C16orf96: variants seen among roughly 807,000 people sequenced by gnomAD.
C16orf96 encodes the protein uncharacterized protein C16orf96.
C16orf96 carries 108 observed loss-of-function variants against 103.6 expected under a neutral mutation model. The observed-to-expected ratio is 1.04, with a 90% CI of 0.89 to 1.22. C16orf96 has a LOEUF of 1.22. C16orf96 is among the 50% of genes most tolerant of loss of function. The pLI is 0.00. For missense variants in C16orf96, 1,586 were observed against 1,464.2 expected, an observed-to-expected ratio of 1.08 and a Z score of -1.36; for synonymous variants, 566 against 593.5, an observed-to-expected ratio of 0.95 and a Z score of 0.67.
chr16:4,576,662 G>T (rs1172594099), intron 5 of C16orf96, 27 bp downstream of exon 5: 12 of 1,528,604 alleles, frequency 7.9e-6, no homozygotes, highest in South Asian at 2.5e-5. Context: ...CCTGGGAAGG[G>T]CACAAGGGAG....
At chr16:4,563,794 C>G (rs1481727770) in intron 1 of C16orf96, among the ~76,000 whole-genome samples, 1 of 147,466 alleles carries the variant, frequency 6.8e-6, no homozygotes, top group Non-Finnish European at 1.5e-5. Context: ...GTCTTGAACT[C>G]CCGAGCTCAG....
At position 4,587,106 on chromosome 16, in the gene C16orf96, TGA is replaced by T. The variant is rs1328773929; in HGVS notation, c.2426_2427del (p.Lys810SerfsTer2). 1.3e-6 allele frequency: 2 copies of T among 1,551,436 alleles called. No homozygotes were observed. Among genetic ancestry groups the T allele is most frequent in the Non-Finnish European group, 1.7e-6 (2 of 1,146,866 alleles). On this transcript the variant is annotated frameshift_variant, in exon 8 of 16. Transcript: ENST00000444310. LOFTEE classifies it high-confidence loss of function. The stretch of plus-strand genomic sequence containing the variant: ...AATAAGAGCACGATGGAGGAGGAGC[TGA>T]GAGAGGTGAGTGAGCAGAGGTTCCT...
chr16:4,587,220 G>GGT, intron 8 of C16orf96, 107 bp downstream of exon 8: 1 of 1,096,876 alleles, frequency 9.1e-7, no homozygotes, highest in Non-Finnish European at 1.3e-6. Context: ...CTCCCCCTTT[G>GGT]TTCATATTGA....
chr16:4,586,934 G>A, intron 7 of C16orf96, 105 bp from the exon 8 acceptor site: 2 of 1,039,060 alleles, frequency 1.9e-6, no homozygotes, highest in Non-Finnish European at 2.9e-6. Context: ...TGTCCACACG[G>A]CCTGCTATCC....
intron 15 of C16orf96, 144 bp downstream of exon 15, chr16:4,599,508 A>G (rs1263205801): frequency 4.1e-6 from 3 of 728,070 alleles, no homozygotes; most frequent in Non-Finnish European, 7.0e-6. Context: ...TGCCTATGGC[A>G]CTTCAGAGAT....
intron 6 of C16orf96, 126 bp downstream of exon 6, chr16:4,579,151 C>T (rs1400075950): frequency 1.2e-5 from 10 of 863,040 alleles, no homozygotes; most frequent in East Asian, 1.1e-4. Flanking sequence ...TGGGGGAAAG[C>T]GAGCTGGCTG....
At chr16:4,557,200 T>C (rs2059274972) in intron 1 of C16orf96, among the ~76,000 whole-genome samples, 1 of 152,010 alleles carries the variant, frequency 6.6e-6, no homozygotes, top group African/African-American at 2.4e-5. Context: ...AAACCCCTGA[T>C]CTCAACTGAT....
intron 12 of C16orf96, 60 bp from the exon 13 acceptor site, chr16:4,594,291 C>T (rs1231880954): frequency 5.9e-6 from 9 of 1,516,054 alleles, no homozygotes; most frequent in African/African-American, 2.8e-5. Context: ...CCTTGGGGCC[C>T]GTCCTGGGCT....
the C16orf96 span, among the ~76,000 whole-genome samples, chr16:4,542,098 C>T: frequency 3.3e-5 from 5 of 152,272 alleles, no homozygotes; most frequent in Admixed American, 6.5e-5. Context: ...CAGGCTGGTC[C>T]CTGTGGCTCA....
chr16:4,547,920 G>A, the C16orf96 span, among the ~76,000 whole-genome samples: 10 of 151,824 alleles, frequency 6.6e-5, no homozygotes, highest in African/African-American at 2.4e-4. Flanking sequence ...GATTACAGGG[G>A]TGAGCCACTG....
chr16:4,571,422 C>T (rs2059437055), intron 1 of C16orf96, 139 bp from the exon 2 acceptor site: 2 of 650,586 alleles, frequency 3.1e-6, no homozygotes. Flanking sequence ...TCTCCTGGTC[C>T]CCTTGTAGGT....
intron 9 of C16orf96, among the ~76,000 whole-genome samples, chr16:4,589,922 G>A (rs371030775): frequency 6.6e-6 from 1 of 151,952 alleles, no homozygotes; most frequent in Non-Finnish European, 1.5e-5. Flanking sequence ...AGAAGATTGA[G>A]ACCATCCTGA....
At chr16:4,584,199 C>T (rs1220490255) in intron 7 of C16orf96, among the ~76,000 whole-genome samples, 2 of 151,918 alleles carry the variant, frequency 1.3e-5, no homozygotes, top group East Asian at 3.9e-4. Context: ...CTTAGGTTTC[C>T]CAGTGTCGTT....
chr16:4,575,824 C>G lies in C16orf96; in HGVS notation c.1344C>G (p.Ala448=). 1 of 1,551,276 alleles carries G rather than the reference C, an allele frequency of 6.4e-7. No homozygotes were observed. The highest frequency in any genetic ancestry group is 1.2e-5 in the South Asian group (1 of 84,064). ...CATATCAGTCTCGCCAGGGAGAAGC[C>G]CTCCAGCTCGCAGCTGTCCAAGTAA... ...LQPYQSRQGE[A]LQLAAVQVKG... The change falls in exon 5 of 16, where the codon GCC becomes GCG. Residue 448 remains alanine (A), a synonymous_variant. Coordinates refer to ENST00000444310, the MANE Select transcript of C16orf96 (RefSeq NM_001145011.2).
the C16orf96 span, among the ~76,000 whole-genome samples, chr16:4,550,133 G>A: frequency 1.3e-5 from 2 of 150,486 alleles, no homozygotes; most frequent in African/African-American, 2.5e-5. Context: ...TGCCCCCGCT[G>A]GAGTGCAATG....
chr16:4,575,983 T>C lies in C16orf96; in HGVS notation c.1503T>C (p.Asp501=). The C allele has an allele frequency of 6.5e-7, 1 of 1,549,834 alleles. No individual in the cohort carries two copies. The highest frequency in any genetic ancestry group is 8.7e-7 in the Non-Finnish European group (1 of 1,146,164). Residue 501 remains aspartate (D), a synonymous_variant, in exon 5 of 16, where the codon GAT becomes GAC. Coordinates refer to ENST00000444310, the MANE Select transcript of C16orf96 (RefSeq NM_001145011.2). ...GTGGCAAGGATGTGGACCCCAAGGA[T>C]AGAGCTCACAAGGATGATGTCCCCA... is the stretch of plus-strand genomic sequence containing the variant. The part of the protein sequence containing the change: ...DRGGKDVDPK[D]RAHKDDVPKD...
At chr16:4,542,439 G>A in the C16orf96 span, among the ~76,000 whole-genome samples, 5 of 152,028 alleles carry the variant, frequency 3.3e-5, no homozygotes, top group African/African-American at 1.2e-4. Flanking sequence ...AAAGACACAG[G>A]TGAAATTAAT....
intron 6 of C16orf96, 139 bp downstream of exon 6, chr16:4,579,164 A>C: frequency 7.9e-6 from 6 of 759,092 alleles, no homozygotes; most frequent in Non-Finnish European, 1.3e-5. Context: ...GCTGGCTGCG[A>C]AGGCAGCTGC....
chr16:4,542,998 C>T, the C16orf96 span, among the ~76,000 whole-genome samples: 1 of 152,052 alleles, frequency 6.6e-6, no homozygotes, highest in African/African-American at 2.4e-5. Flanking sequence ...CAAGCAAGGT[C>T]CTGTTCTAGG....
Sources: allele counts gnomAD v4.1 joint callset (sites outside exome capture counted in the v4.1 genomes callset), GRCh38; gene constraint gnomAD v4.1.1; transcripts MANE v1.5; gene names NCBI Gene and HGNC (gene_info 2026-07-23, HGNC 2026-07-21).